The following GLIS2 variants were observed in gnomAD, a reference collection of about 807,000 sequenced individuals.
GLIS2 encodes the protein zinc finger protein GLIS2.
Under a neutral mutation model 35.6 loss-of-function variants are expected in GLIS2, and 14 were observed. The observed-to-expected ratio is 0.39, with a 90% confidence interval of 0.26 to 0.61. GLIS2 has a LOEUF of 0.61. Among genes scored for constraint, GLIS2 ranks in the 20% least tolerant of loss-of-function variants. GLIS2 has a pLI of 0.48. For missense variants in GLIS2, 675 were observed against 713.4 expected (o/e 0.95, Z 0.61); for synonymous variants, 368 against 325.1 (o/e 1.13, Z -1.42).
chr16:4,321,318 A>C (rs144308606), intron 1 of GLIS2, among the ~76,000 whole-genome samples: 2 of 152,298 alleles, frequency 1.3e-5, no homozygotes, highest in Non-Finnish European at 2.9e-5. Context: ...CTATGTCAGG[A>C]GACCAGCCCC....
chr16:4,334,395 GC>G (rs1224639599), intron 3 of GLIS2, among the ~76,000 whole-genome samples: 1 of 151,036 alleles, frequency 6.6e-6, no homozygotes. Context: ...GTGCCATCAC[GC>G]CTGGCTAATT....
At chr16:4,336,698 G>A (rs1014874358) in intron 6 of GLIS2, 27 bp from the exon 7 acceptor site, 1 of 1,571,368 alleles carries the variant, frequency 6.4e-7, no homozygotes, top group Non-Finnish European at 8.6e-7. Flanking sequence ...ACCCCTCATG[G>A]CGGCACTGCA....
upstream of GLIS2, among the ~76,000 whole-genome samples, chr16:4,315,797 C>G (rs1280900926): frequency 6.6e-6 from 1 of 150,524 alleles, no homozygotes; most frequent in Non-Finnish European, 1.5e-5. Flanking sequence ...CCTCCCTCGG[C>G]CCAGCGCCGG....
At chr16:4,319,835 G>A (rs916071420) in intron 1 of GLIS2, among the ~76,000 whole-genome samples, 1 of 152,122 alleles carries the variant, frequency 6.6e-6, no homozygotes, top group African/African-American at 2.4e-5. Flanking sequence ...CCTGGGTGAG[G>A]CTGGGCAGGC....
At chr16:4,334,703 T>C (rs1311058928) in intron 3 of GLIS2, 98 bp from the exon 4 acceptor site, 1 of 1,435,198 alleles carries the variant, frequency 7.0e-7, no homozygotes, top group Non-Finnish European at 9.7e-7. Context: ...GAAGAGGACC[T>C]GAATGTCTCT....
chr16:4,333,028 C>T (rs925084501), intron 2 of GLIS2, among the ~76,000 whole-genome samples: 6 of 152,152 alleles, frequency 3.9e-5, no homozygotes, highest in African/African-American at 1.2e-4. Context: ...CCTACCTGCC[C>T]GTCTGACAGG....
At chr16:4,333,084 C>T (rs989702397) in intron 2 of GLIS2, among the ~76,000 whole-genome samples, 2 of 152,196 alleles carry the variant, frequency 1.3e-5, no homozygotes, top group African/African-American at 2.4e-5. Flanking sequence ...ATTAACCCTG[C>T]GTGCCAGACC....
In GLIS2 at chr16:4,338,035, T is replaced by G; in HGVS notation, c.*511T>G. 1 of 194,832 alleles carries G rather than the reference T, an allele frequency of 5.1e-6. No individual in the cohort carries two copies. The highest frequency in any genetic ancestry group is 2.4e-5 in the African/African-American group (1 of 42,482). The allele number at this position is 194,832 out of a possible 1,614,324, so 12.1% of individuals were successfully genotyped here. A position where few individuals can be genotyped will look rare whatever the true frequency, so the allele number is the denominator to read the frequency against. On this transcript the variant is annotated 3_prime_UTR_variant, in exon 7 of 7. Coordinates refer to ENST00000433375, the MANE Select transcript of GLIS2 (RefSeq NM_032575.3). ...TGGGGGCTCCTTGGACCCCTTTCCC[T>G]CTGACCCTGCCTCCAGAGGGAAAGC...
At chr16:4,318,893 G>A (rs1261432177) in intron 1 of GLIS2, among the ~76,000 whole-genome samples, 3 of 152,244 alleles carry the variant, frequency 2.0e-5, no homozygotes, top group African/African-American at 7.2e-5. Context: ...GTGAGGGCCA[G>A]TGCCGGCCAG....
In GLIS2 at chr16:4,337,549, GC is replaced by G. The variant is rs551297578; in HGVS notation, c.*32del. ...AGCCCATCCTGCGGACAGTTGTGGTGCCCCCCCGGCAGCTCCCGGCACTGCC... is the reference window on the plus strand; with the variant it reads ...AGCCCATCCTGCGGACAGTTGTGGTGCCCCCCGGCAGCTCCCGGCACTGCC... On this transcript the variant is annotated 3_prime_UTR_variant, in exon 7 of 7. Transcript: ENST00000433375. 1.6e-5 allele frequency: 25 copies of G among 1,543,374 alleles called. No individual in the cohort carries two copies. Among genetic ancestry groups the G allele is most frequent in the Admixed American group, 9.7e-5 (5 of 51,716 alleles).
rs1451186275 is a variant in GLIS2 at position 4,337,140 on chromosome 16, C to G, written c.1191C>G (p.Gly397=). 1.0e-5 allele frequency: 16 copies of G among 1,537,124 alleles called. No homozygotes were observed. Among genetic ancestry groups the G allele is most frequent in the African/African-American group, 1.4e-5 (1 of 73,110 alleles). ...GTGGGGGCAGTGGGGGTGGGGGGGG[C>G]ATGGGCCCTGGGCTGCCAGGCCCCG... The part of the protein sequence containing the change: ...GNGGGSGGGG[G]MGPGLPGPVL... The change falls in exon 7 of 7, where the codon GGC becomes GGG. Residue 397 remains glycine, a synonymous_variant. Coordinates refer to ENST00000433375, the MANE Select transcript of GLIS2 (RefSeq NM_032575.3).
At position 4,319,306 on chromosome 16, in the gene GLIS2, G is replaced by A. The variant is rs557150985; in HGVS notation, c.-67+3052G>A. Among the ~76,000 whole-genome samples the A allele has an allele frequency of 5.3e-5, 8 of 152,292 alleles. No homozygotes were observed. The East Asian group carries it at 9.6e-4, about 18-fold the overall frequency. ...ACCCAGATAAATGCCCTTCTCAGGG[G>A]TAGGGGGCATCCCCAGCTTGGCGGG... On this transcript the variant is annotated intron_variant, in intron 1 of 6. Coordinates refer to ENST00000433375, the MANE Select transcript of GLIS2 (RefSeq NM_032575.3).
intron 6 of GLIS2, chr16:4,336,282 G>T: frequency 3.1e-6 from 1 of 317,914 alleles, no homozygotes; most frequent in Non-Finnish European, 6.1e-6. Flanking sequence ...AGGTAGCTGG[G>T]ATTACAGGCA....
rs974970379 is a variant in GLIS2 at position 4,327,085 on chromosome 16, G to C, written c.-66-5130G>C. Among the ~76,000 whole-genome samples the C allele has an allele frequency of 3.3e-5, 5 of 152,084 alleles. No individual in the cohort carries two copies. The South Asian group carries it at 1.0e-3, about 32-fold the overall frequency. Reference sequence around the variant, plus strand: ...CGGCTGATTTTTTTACTTCAAACGGGATTTTTCCATGTTGCCCAGGCTGGT... The same window carrying C: ...CGGCTGATTTTTTTACTTCAAACGGCATTTTTCCATGTTGCCCAGGCTGGT... On this transcript the variant is annotated intron_variant, in intron 1 of 6. Coordinates refer to ENST00000433375, the MANE Select transcript of GLIS2 (RefSeq NM_032575.3).
chr16:4,333,679 C>T (rs547078035), intron 3 of GLIS2, among the ~76,000 whole-genome samples, 160 bp downstream of exon 3: 3 of 152,332 alleles, frequency 2.0e-5, no homozygotes, highest in African/African-American at 7.2e-5. Context: ...AGAACCTTCC[C>T]TGCCTCTCTC....
intron 1 of GLIS2, among the ~76,000 whole-genome samples, chr16:4,326,755 A>ATTTTT (rs35674831): frequency 9.1e-6 from 1 of 110,096 alleles, no homozygotes; most frequent in Admixed American, 9.5e-5. Context: ...ACGCCCAGCT[A>ATTTTT]TTTTTTTTTT....
Position 4,337,729 on chromosome 16 carries a change from C to A in GLIS2, c.*205C>A. ...GACCTGGCCTGTCATGCAGGGAGAG[C>A]TGTGCTCCTGGGTGCTGAAGCCTCG... On this transcript the variant is annotated 3_prime_UTR_variant, in exon 7 of 7. Transcript: ENST00000433375. 4 of 705,220 alleles carry A rather than the reference C, an allele frequency of 5.7e-6. No homozygotes were observed. In the South Asian group the frequency reaches 6.9e-5, roughly 12 times the overall value. The allele number at this position is 705,220 out of a possible 1,614,324, so 43.7% of individuals were successfully genotyped here.
In GLIS2 at chr16:4,327,059, CCGGCTGATTTTTTTACTTCAAA is replaced by C. The variant is rs561560880; in HGVS notation, c.-66-5152_-66-5131del. Among the ~76,000 whole-genome samples, 187 of 152,104 alleles carry C rather than the reference CCGGCTGATTTTTTTACTTCAAA, an allele frequency of 1.2e-3. 1 individual carries two copies. The highest frequency in any genetic ancestry group is 4.2e-3 in the African/African-American group (173 of 41,500). ...AGGCATGAGCCACCGTGCCCGGCCA[CCGGCTGATTTTTTTACTTCAAA>C]CGGGATTTTTCCATGTTGCCCAGGC... On this transcript the variant is annotated intron_variant, in intron 1 of 6. Transcript: ENST00000433375.
chr16:4,326,187 G>A (rs1355226069), intron 1 of GLIS2, among the ~76,000 whole-genome samples: 1 of 152,146 alleles, frequency 6.6e-6, no homozygotes, highest in Non-Finnish European at 1.5e-5. Context: ...GGAGCTTGCA[G>A]TGAGCTGAGA....
Sources: allele counts gnomAD v4.1 joint callset (sites outside exome capture counted in the v4.1 genomes callset), GRCh38; gene constraint gnomAD v4.1.1; transcripts MANE v1.5; gene names NCBI Gene and HGNC (gene_info 2026-07-23, HGNC 2026-07-21).